ERC1: variants seen among roughly 807,000 people sequenced by gnomAD.
ERC1 encodes the protein RAB6 interacting protein 2.
A neutral mutation model predicts 132.0 loss-of-function variants in ERC1; 56 were observed. That is an observed-to-expected ratio of 0.42 (90% CI 0.34 to 0.53). The LOEUF (loss-of-function observed/expected upper bound fraction) is 0.53, where lower values mean the gene tolerates loss of function less well. Among genes scored for constraint, ERC1 ranks in the 20% least tolerant of loss-of-function variants. ERC1 has a pLI of 0.03. For missense variants in ERC1, 1,202 were observed against 1,349.9 expected (o/e 0.89, Z 1.72); for synonymous variants, 478 against 476.1 (o/e 1.00, Z -0.05).
chr12:1,162,982 T>C (rs1277075215), intron 8 of ERC1, among the ~76,000 whole-genome samples: 1 of 152,228 alleles, frequency 6.6e-6, no homozygotes, highest in African/African-American at 2.4e-5. Flanking sequence ...TCTTGAAATA[T>C]CATTTTATTG....
intron 17 of ERC1, among the ~76,000 whole-genome samples, chr12:1,440,407 C>CGT (rs889584996): frequency 7.3e-5 from 11 of 150,560 alleles, no homozygotes; most frequent in Middle Eastern, 3.4e-3. Context: ...GGGGTTTCAC[C>CGT]GTGTTAGCCA....
chr12:1,328,607 T>G (rs2082631602), intron 15 of ERC1, among the ~76,000 whole-genome samples: 1 of 151,908 alleles, frequency 6.6e-6, no homozygotes, highest in South Asian at 2.1e-4. Flanking sequence ...GACCTCACGT[T>G]TCTCCTTTCT....
chr12:1,484,480 A>G (rs932694010), intron 18 of ERC1, among the ~76,000 whole-genome samples: 21 of 151,954 alleles, frequency 1.4e-4, no homozygotes, highest in Admixed American at 2.6e-4. Context: ...CCTCCCTACA[A>G]TTGTCCCACA....
intron 7 of ERC1, among the ~76,000 whole-genome samples, chr12:1,140,698 C>G (rs995585992): frequency 1.3e-5 from 2 of 152,074 alleles, no homozygotes; most frequent in African/African-American, 4.8e-5. Context: ...TACTTGATTT[C>G]TTAGATTTGC....
intron 14 of ERC1, among the ~76,000 whole-genome samples, chr12:1,265,611 C>T (rs1189771635): frequency 2.0e-5 from 3 of 152,146 alleles, no homozygotes; most frequent in African/African-American, 4.8e-5. Flanking sequence ...GTTCACTTTT[C>T]GTGACGCACA....
chr12:1,129,759 G>C (rs548124114), intron 7 of ERC1, among the ~76,000 whole-genome samples: 1 of 151,824 alleles, frequency 6.6e-6, no homozygotes, highest in African/African-American at 2.4e-5. Flanking sequence ...ATACAAATGA[G>C]AGTTTACTAC....
intron 18 of ERC1, among the ~76,000 whole-genome samples, chr12:1,474,505 A>G (rs1159649755): frequency 6.6e-6 from 1 of 152,120 alleles, no homozygotes; most frequent in Non-Finnish European, 1.5e-5. Context: ...CTCTTTTACA[A>G]ATTTATTTCA....
intron 8 of ERC1, among the ~76,000 whole-genome samples, chr12:1,165,508 G>T (rs923545503): frequency 6.6e-6 from 1 of 151,968 alleles, no homozygotes; most frequent in East Asian, 1.9e-4. Flanking sequence ...GGGTTTCACC[G>T]TGTTAGCCAA....
rs2094346957 is a variant in ERC1, at chr12:1,495,005, T to G, written c.*4775T>G. Reference sequence around the variant, plus strand: ...CTGCCGAGCAAAAGGAACGAGAATCTGGGGCTCAGAGCCTCGCAGTTGTGC... The same window carrying G: ...CTGCCGAGCAAAAGGAACGAGAATCGGGGGCTCAGAGCCTCGCAGTTGTGC... On this transcript the variant is annotated 3_prime_UTR_variant, in exon 19 of 19. Coordinates refer to ENST00000360905, the MANE Select transcript of ERC1 (RefSeq NM_178040.4). 4.4e-6 allele frequency: 1 copy of G among 229,878 alleles called. No individual in the cohort carries two copies. Among genetic ancestry groups the G allele is most frequent in the Admixed American group, 5.7e-5 (1 of 17,642 alleles). The allele number at this position is 229,878 out of a possible 1,614,324, so 14.2% of individuals were successfully genotyped here.
chr12:1,091,072 A>G (rs1251335557), intron 3 of ERC1, among the ~76,000 whole-genome samples: 3 of 152,106 alleles, frequency 2.0e-5, no homozygotes, highest in Admixed American at 6.6e-5. Flanking sequence ...TATTTTTAGT[A>G]GAGATGGGGT....
rs148175630 is a variant in ERC1, at chr12:1,135,708, C to T, written c.1570-5912C>T. On this transcript the variant is annotated intron_variant, in intron 7 of 18. Coordinates refer to ENST00000360905, the MANE Select transcript of ERC1 (RefSeq NM_178040.4). ...AGAGATTGGAGTGATGCATCGTCTA[C>T]AAGACGAGGAGCCAGGAGACAGCAA... Among the ~76,000 whole-genome samples the T allele has an allele frequency of 1.1e-4, 17 of 152,250 alleles. No individual in the cohort carries two copies. The East Asian group carries it at 3.1e-3, about 28-fold the overall frequency.
chr12:1,216,402 C>T (rs1958410555), intron 12 of ERC1, among the ~76,000 whole-genome samples: 1 of 151,974 alleles, frequency 6.6e-6, no homozygotes, highest in South Asian at 2.1e-4. Flanking sequence ...AGTTAGCCTC[C>T]AGCTGTTACT....
At chr12:1,212,490 A>G (rs889767788) in intron 12 of ERC1, among the ~76,000 whole-genome samples, 3 of 152,134 alleles carry the variant, frequency 2.0e-5, no homozygotes, top group African/African-American at 7.2e-5. Flanking sequence ...GTATTTCCTT[A>G]GATGCCTGGG....
intron 2 of ERC1, among the ~76,000 whole-genome samples, chr12:1,059,238 A>T (rs1973571786): frequency 6.6e-6 from 1 of 152,106 alleles, no homozygotes; most frequent in Admixed American, 6.5e-5. Flanking sequence ...GTTTTGATGG[A>T]GTCTTTAGGT....
chr12:1,346,960 A>AAAAAAAAAAG (rs1006260266), intron 15 of ERC1, among the ~76,000 whole-genome samples: 1 of 149,650 alleles, frequency 6.7e-6, no homozygotes, highest in Non-Finnish European at 1.5e-5. Flanking sequence ...AAAAAAAAAA[A>AAAAAAAAAAG]AGAGAGAGAT....
At chr12:1,000,420 A>G (rs1159387266) in intron 1 of ERC1, among the ~76,000 whole-genome samples, 1 of 151,068 alleles carries the variant, frequency 6.6e-6, no homozygotes, top group African/African-American at 2.4e-5. Context: ...CTGGAGGCGG[A>G]GGTTGCAGTG....
intron 12 of ERC1, among the ~76,000 whole-genome samples, chr12:1,198,195 T>TA (rs1456992319): frequency 6.6e-6 from 1 of 152,178 alleles, no homozygotes; most frequent in African/African-American, 2.4e-5. Context: ...CCCAAAGTGA[T>TA]ACGATTACAG....
At chr12:1,178,897 T>C (rs1226234061) in intron 8 of ERC1, among the ~76,000 whole-genome samples, 1 of 152,216 alleles carries the variant, frequency 6.6e-6, no homozygotes, top group Non-Finnish European at 1.5e-5. Context: ...TTCATTACTC[T>C]GTTTCCTCAG....
In ERC1 at chr12:1,205,411, GTGTA is replaced by G. The variant is rs1302904370; in HGVS notation, c.2351+15361_2351+15364del. Among the ~76,000 whole-genome samples, 375 of 141,682 alleles carry G rather than the reference GTGTA, an allele frequency of 2.6e-3. 2 individuals are homozygous for G. The highest frequency in any genetic ancestry group is 8.7e-3 in the African/African-American group (335 of 38,540). The allele number at this position is 141,682 out of a possible 152,430, so 92.9% of individuals were successfully genotyped here. A position where few individuals can be genotyped will look rare whatever the true frequency, so the allele number is the denominator to read the frequency against. On this transcript the variant is annotated intron_variant, in intron 12 of 18. Coordinates refer to ENST00000360905, the MANE Select transcript of ERC1 (RefSeq NM_178040.4). ...TATATATATATCTGTGTGTGTGTGT[GTGTA>G]TATATATATATATAGATATATATTT... is the stretch of plus-strand genomic sequence containing the variant.
Sources: allele counts gnomAD v4.1 joint callset (sites outside exome capture counted in the v4.1 genomes callset), GRCh38; gene constraint gnomAD v4.1.1; transcripts MANE v1.5; gene names NCBI Gene and HGNC (gene_info 2026-07-23, HGNC 2026-07-21).